PTPRT: variants seen among roughly 807,000 people sequenced by gnomAD.
The protein encoded by PTPRT is protein tyrosine phosphatase receptor type T, also known as receptor-type tyrosine-protein phosphatase T.
PTPRT carries 56 observed loss-of-function variants against 176.8 expected under a neutral mutation model. The ratio of observed to expected loss-of-function variants is 0.32; its 90% confidence interval spans 0.26 to 0.40. The LOEUF (loss-of-function observed/expected upper bound fraction) is 0.40, where lower values mean the gene tolerates loss of function less well. Among genes scored for constraint, PTPRT ranks in the 10% least tolerant of loss-of-function variants. The pLI is 1.00. For missense variants in PTPRT, 1,540 were observed against 1,908.2 expected, an observed-to-expected ratio of 0.81 and a Z score of 3.60; for synonymous variants, 783 against 739.0, an observed-to-expected ratio of 1.06 and a Z score of -0.96.
At chr20:42,535,170 T>G (rs2072454683) in intron 7 of PTPRT, among the ~76,000 whole-genome samples, 1 of 152,152 alleles carries the variant, frequency 6.6e-6, no homozygotes, top group African/African-American at 2.4e-5. Flanking sequence ...TCATGTCCTT[T>G]GCAGCAACAT....
At chr20:42,963,070 G>C (rs988584268) in intron 1 of PTPRT, among the ~76,000 whole-genome samples, 1 of 152,084 alleles carries the variant, frequency 6.6e-6, no homozygotes, top group African/African-American at 2.4e-5. Context: ...CATGGTGGCA[G>C]GCACCTGTAG....
chr20:43,087,704 T>G (rs2011654758), intron 1 of PTPRT, among the ~76,000 whole-genome samples: 1 of 152,082 alleles, frequency 6.6e-6, no homozygotes, highest in Non-Finnish European at 1.5e-5. Context: ...ACTCAATACC[T>G]TCTTCATATA....
intron 12 of PTPRT, among the ~76,000 whole-genome samples, chr20:42,286,896 C>T (rs566421211): frequency 6.6e-6 from 1 of 151,832 alleles, no homozygotes; most frequent in South Asian, 2.1e-4. Context: ...AACAATTCAA[C>T]AGCAAATAAA....
At chr20:42,743,025 C>T (rs1055482716) in intron 6 of PTPRT, among the ~76,000 whole-genome samples, 1 of 152,306 alleles carries the variant, frequency 6.6e-6, no homozygotes, top group Middle Eastern at 3.4e-3. Flanking sequence ...TCCTCACTCA[C>T]GTGCAGAAGA....
intron 7 of PTPRT, among the ~76,000 whole-genome samples, chr20:42,509,849 C>T (rs894449108): frequency 3.9e-5 from 6 of 151,972 alleles, no homozygotes; most frequent in East Asian, 1.9e-4. Context: ...CCATTCCTGG[C>T]GGGAAGTGTC....
intron 4 of PTPRT, among the ~76,000 whole-genome samples, chr20:42,772,300 T>C (rs2077074329): frequency 6.6e-6 from 1 of 152,184 alleles, no homozygotes; most frequent in Non-Finnish European, 1.5e-5. Flanking sequence ...TATTACACAG[T>C]GAATGAACTG....
At chr20:42,449,461 G>A (rs1189167257) in intron 8 of PTPRT, among the ~76,000 whole-genome samples, 1 of 152,160 alleles carries the variant, frequency 6.6e-6, no homozygotes, top group Admixed American at 6.5e-5. Flanking sequence ...ATGAATTTCA[G>A]TAAATTGTTG....
At position 42,110,326 on chromosome 20, in the gene PTPRT, G is replaced by A; in HGVS notation, c.3254+7C>T. ...CGGCCTCCCAAGGTGAAGGACCTTTGACTTACCTGCAGTGGACCACTATGG... is the reference window on the plus strand; with the variant it reads ...CGGCCTCCCAAGGTGAAGGACCTTTAACTTACCTGCAGTGGACCACTATGG... On this transcript the variant is annotated splice_region_variant and intron_variant, in intron 23 of 30. Transcript: ENST00000373187. 6.2e-7 allele frequency: 1 copy of A among 1,600,970 alleles called. No individual in the cohort carries two copies. The highest frequency in any genetic ancestry group is 8.5e-7 in the Non-Finnish European group (1 of 1,171,438).
intron 9 of PTPRT, among the ~76,000 whole-genome samples, chr20:42,366,949 CT>C (rs1210338821): frequency 6.6e-6 from 1 of 152,176 alleles, no homozygotes; most frequent in Non-Finnish European, 1.5e-5. Flanking sequence ...GAGACGTTGC[CT>C]TTTTTTCCCT....
At chr20:42,038,119 T>G in the PTPRT span, among the ~76,000 whole-genome samples, 2 of 152,138 alleles carry the variant, frequency 1.3e-5, no homozygotes, top group African/African-American at 4.8e-5. Flanking sequence ...AGAATAATAT[T>G]CCACTTGACA....
In PTPRT at chr20:42,254,527, T is replaced by C. The variant is rs183788760; in HGVS notation, c.2177-5705A>G. ...GAAGGGAAGATTCAGATGAGACCTA[T>C]TTTTTGCCTTTAGATAGATAAAGGG... On this transcript the variant is annotated intron_variant, in intron 13 of 30. Transcript: ENST00000373187. 4.1e-3 allele frequency among the ~76,000 whole-genome samples: 625 copies of C among 152,296 alleles called. 1 individual carries two copies. The highest frequency in any genetic ancestry group is 6.8e-3 in the Non-Finnish European group (465 of 68,014).
chr20:42,136,232 CTTTTTTTTTTTTTT>C (rs397864699), intron 18 of PTPRT, among the ~76,000 whole-genome samples: 2 of 63,036 alleles, frequency 3.2e-5, no homozygotes, highest in African/African-American at 6.8e-5. Context: ...AAGAACAGTG[CTTTTTTTTTTTTTT>C]TTTTTTTTTT....
intron 7 of PTPRT, among the ~76,000 whole-genome samples, chr20:42,647,393 A>G (rs2074930406): frequency 6.6e-6 from 1 of 152,022 alleles, no homozygotes; most frequent in African/African-American, 2.4e-5. Flanking sequence ...AAGTAAATAA[A>G]TGGTCCCCTC....
chr20:42,132,805 A>G (rs1304345870), intron 18 of PTPRT, among the ~76,000 whole-genome samples: 1 of 152,196 alleles, frequency 6.6e-6, no homozygotes, highest in Non-Finnish European at 1.5e-5. Context: ...ATATCTAGCA[A>G]TTGTACTTCT....
At chr20:42,773,538 C>T (rs1267904053) in intron 4 of PTPRT, among the ~76,000 whole-genome samples, 1 of 152,164 alleles carries the variant, frequency 6.6e-6, no homozygotes, top group Non-Finnish European at 1.5e-5. Flanking sequence ...GCCACCATGG[C>T]TGGTGTGGTG....
intron 1 of PTPRT, among the ~76,000 whole-genome samples, chr20:42,940,084 C>T (rs1042945153): frequency 6.6e-6 from 1 of 151,980 alleles, no homozygotes; most frequent in Admixed American, 6.6e-5. Flanking sequence ...AAATATAATC[C>T]CCCCAGGAGA....
the PTPRT span, among the ~76,000 whole-genome samples, chr20:42,062,166 C>T: frequency 6.6e-6 from 1 of 152,152 alleles, no homozygotes. Flanking sequence ...AAGAAGATTG[C>T]TTGTGTAATA....
At chr20:43,064,075 A>T (rs1483489217) in intron 1 of PTPRT, among the ~76,000 whole-genome samples, 1 of 152,118 alleles carries the variant, frequency 6.6e-6, no homozygotes, top group Non-Finnish European at 1.5e-5. Context: ...ACTACTACCT[A>T]TTCATCCTAC....
At chr20:42,437,466 A>T (rs1222094711) in intron 9 of PTPRT, among the ~76,000 whole-genome samples, 2 of 152,222 alleles carry the variant, frequency 1.3e-5, no homozygotes, top group African/African-American at 4.8e-5. Context: ...GCAGCGATAC[A>T]CACGTTAAAA....
Sources: gnomAD v4.1 joint callset for allele counts (sites outside exome capture counted in the v4.1 genomes callset) on GRCh38, gnomAD v4.1.1 for gene constraint, MANE v1.5 for transcripts, NCBI Gene and HGNC (gene_info 2026-07-23, HGNC 2026-07-21) for gene names.